Variants in ATP1A3 observed in about 807,000 individuals in gnomAD.
The protein encoded by ATP1A3 is ATPase Na+/K+ transporting subunit alpha 3, also known as sodium/potassium-transporting ATPase subunit alpha-3.
Under a neutral mutation model 108.8 loss-of-function variants are expected in ATP1A3, and 12 were observed. The ratio of observed to expected loss-of-function variants is 0.11; its 90% CI spans 0.07 to 0.18. The LOEUF is 0.18. Ranked by LOEUF, ATP1A3 falls within the 10% of genes least tolerant of loss-of-function variation. The pLI is 1.00. For missense variants in ATP1A3, 498 were observed against 1,387.7 expected (o/e 0.36, Z 10.19); for synonymous variants, 539 against 564.5 (o/e 0.95, Z 0.64).
rs377100231 is a variant in ATP1A3, at chr19:41,987,887, C to T, written c.357+49G>A. 1.6e-5 allele frequency: 25 copies of T among 1,602,440 alleles called. No homozygotes were observed. The Admixed American group carries it at 1.8e-4, about 12-fold the overall frequency. ...TGGGAAGAAGTTGGGGTGCGGTGTC[C>T]GTAAATAAATGTGCAGAGCCTTGCA... On this transcript the variant is annotated intron_variant, in intron 4 of 22. Transcript: ENST00000648268.
chr19:41,972,648 C>A (rs1336042412), intron 16 of ATP1A3, among the ~76,000 whole-genome samples: 3 of 151,464 alleles, frequency 2.0e-5, no homozygotes, highest in Non-Finnish European at 4.4e-5. Context: ...GCCTGTAGTT[C>A]CAGCTATGTG....
chr19:41,974,565 C>A (rs150296720), intron 16 of ATP1A3, among the ~76,000 whole-genome samples: 1 of 152,244 alleles, frequency 6.6e-6, no homozygotes, highest in African/African-American at 2.4e-5. Context: ...CTCGGCTTTG[C>A]CGTTTGAATT....
rs1216871449 is a variant in ATP1A3 at position 41,969,395 on chromosome 19, T to G, written c.2688+40A>C. ...TGGCTGGAACAGCTCACCCCGGGGATCTTACGGTGGGCAGAGACACAGCAC... is the reference window on the plus strand; with the variant it reads ...TGGCTGGAACAGCTCACCCCGGGGAGCTTACGGTGGGCAGAGACACAGCAC... On this transcript the variant is annotated intron_variant, in intron 19 of 22. Coordinates refer to ENST00000648268, the MANE Select transcript of ATP1A3 (RefSeq NM_152296.5). 3.7e-6 allele frequency: 6 copies of G among 1,613,636 alleles called. No homozygotes were observed. The Admixed American group carries it at 5.0e-5, about 13-fold the overall frequency.
At chr19:41,989,308 A>G (rs532826659) in intron 1 of ATP1A3, among the ~76,000 whole-genome samples, 6 of 139,730 alleles carry the variant, frequency 4.3e-5, no homozygotes, top group Non-Finnish European at 7.6e-5. Flanking sequence ...ACCTTCCTAC[A>G]TATCTGTCTT....
At position 41,976,415 on chromosome 19, in the gene ATP1A3, C is replaced by T. The variant is rs1555861261; in HGVS notation, c.2094+1G>A. The T allele has an allele frequency of 6.2e-7, 1 of 1,614,064 alleles. No individual in the cohort carries two copies. On this transcript the variant is annotated splice_donor_variant, in intron 15 of 22. Transcript: ENST00000648268. LOFTEE classifies it high-confidence loss of function. The stretch of plus-strand genomic sequence containing the variant: ...CCCTCCTCTGCGGGAGCGCAGCCCA[C>T]CTGTCTCTGACAGCCCTCCACAATG...
Position 41,970,373 on chromosome 19 carries a change from G to A in ATP1A3, c.2418+15C>T. On this transcript the variant is annotated intron_variant, in intron 17 of 22. Coordinates refer to ENST00000648268, the MANE Select transcript of ATP1A3 (RefSeq NM_152296.5). ...TCCACCCTCCTGGGCCCCAAGGGTGGCTGCCAGGGCTCACCATGTCAGTGC... is the reference window on the plus strand; with the variant it reads ...TCCACCCTCCTGGGCCCCAAGGGTGACTGCCAGGGCTCACCATGTCAGTGC... The A allele has an allele frequency of 6.2e-7, 1 of 1,614,250 alleles. No individual in the cohort carries two copies. The highest frequency in any genetic ancestry group is 8.5e-7 in the Non-Finnish European group (1 of 1,180,044).
chr19:41,986,087 C>G, intron 5 of ATP1A3, 29 bp downstream of exon 5: 1 of 1,614,150 alleles, frequency 6.2e-7, no homozygotes. Context: ...CTAACACCCC[C>G]GTCTGGCCCC....
chr19:41,985,149 G>GCGGT lies in ATP1A3; in HGVS notation c.758_761dup (p.Thr255ProfsTer26). ...GGGTGGCGATACGGCCCATGACAGT[G>GCGGT]CGGTCGCCCGTGGCCACCACCACGC... On this transcript the variant is annotated frameshift_variant, in exon 8 of 23. Transcript: ENST00000648268. LOFTEE classifies it high-confidence loss of function. The surrounding 1 kb of genome is among the most constrained non-coding windows in gnomAD (Gnocchi z 8.2). The GCGGT allele has an allele frequency of 6.2e-7, 1 of 1,613,492 alleles. No individual in the cohort carries two copies. The highest frequency in any genetic ancestry group is 8.5e-7 in the Non-Finnish European group (1 of 1,179,616).
At chr19:41,976,380 AG>A (rs782772956) in intron 15 of ATP1A3, 35 bp downstream of exon 15, 6 of 1,613,162 alleles carry the variant, frequency 3.7e-6, no homozygotes, top group Non-Finnish European at 5.1e-6. Context: ...CCAGGAGTCA[AG>A]GCCCCGTCCC....
At chr19:41,993,916 G>A (rs2075363667) in intron 1 of ATP1A3, 155 bp downstream of exon 1, 1 of 1,408,734 alleles carries the variant, frequency 7.1e-7, no homozygotes, top group South Asian at 1.3e-5. Context: ...GCGGCCCCAC[G>A]ACCACATGGA....
chr19:41,992,853 C>T (rs189145533), intron 1 of ATP1A3: 1 of 154,100 alleles, frequency 6.5e-6, no homozygotes, highest in East Asian at 1.9e-4. Context: ...CTCCCTCTAA[C>T]TTCCTTCTCT....
At position 41,968,392 on chromosome 19, in the gene ATP1A3, C is replaced by T. The variant is rs1255429968; in HGVS notation, c.2819+393G>A. Among the ~76,000 whole-genome samples, 1 of 152,042 alleles carries T rather than the reference C, an allele frequency of 6.6e-6. No individual in the cohort carries two copies. The highest frequency in any genetic ancestry group is 2.4e-5 in the African/African-American group (1 of 41,396). On this transcript the variant is annotated intron_variant, in intron 20 of 22. Transcript: ENST00000648268. This position sits in a 1 kb window ranked among gnomAD's most constrained non-coding sequence, Gnocchi z 5.0. ...AGCCTGGTGGTGCGTACCTGTAATCCCAGCTACTTGGGAGGCTGAGGCATG... is the reference window on the plus strand; with the variant it reads ...AGCCTGGTGGTGCGTACCTGTAATCTCAGCTACTTGGGAGGCTGAGGCATG...
At position 41,985,113 on chromosome 19, in the gene ATP1A3, C is replaced by G; in HGVS notation, c.798G>C (p.Gly266=). The G allele has an allele frequency of 1.9e-6, 3 of 1,614,042 alleles. No individual in the cohort carries two copies. Among genetic ancestry groups the G allele is most frequent in the Non-Finnish European group, 2.5e-6 (3 of 1,179,952 alleles). Residue 266 remains glycine, a synonymous_variant, in exon 8 of 23, where the codon GGG becomes GGC. Transcript: ENST00000648268. This position sits in a 1 kb window ranked among gnomAD's most constrained non-coding sequence, Gnocchi z 8.2. ...VMGRIATLAS[G]LEVGKTPIAI... ...CGATGGGCGTCTTGCCCACCTCCAG[C>G]CCTGATGCCAGGGTGGCGATACGGC... is the stretch of plus-strand genomic sequence containing the variant.
chr19:41,966,611 T>TC lies in ATP1A3; in HGVS notation c.*325_*326insG, dbSNP rs1476544961. On this transcript the variant is annotated 3_prime_UTR_variant, in exon 23 of 23. Transcript: ENST00000648268. ...CTCTCCCCACTGATATATTTGATAA[T>TC]TGTCCAGAACCAGAGATGGCATCAG... 14 of 1,446,574 alleles carry TC rather than the reference T, an allele frequency of 9.7e-6. No homozygotes were observed. Among genetic ancestry groups the TC allele is most frequent in the Non-Finnish European group, 3.7e-6 (4 of 1,080,856 alleles). The allele number at this position is 1,446,574 out of a possible 1,614,324, so 89.6% of individuals were successfully genotyped here.
At chr19:41,991,886 C>T (rs1271874226) in intron 1 of ATP1A3, among the ~76,000 whole-genome samples, 2 of 141,932 alleles carry the variant, frequency 1.4e-5, no homozygotes, top group Non-Finnish European at 1.5e-5. Flanking sequence ...GGGCTGGACC[C>T]TTGGGTCTGA....
In ATP1A3 at chr19:41,981,875, C is replaced by A. The variant is rs782242110; in HGVS notation, c.1192+33G>T. On this transcript the variant is annotated intron_variant, in intron 9 of 22. Coordinates refer to ENST00000648268, the MANE Select transcript of ATP1A3 (RefSeq NM_152296.5). The surrounding 1 kb of genome is among the most constrained non-coding windows in gnomAD (Gnocchi z 5.0). The stretch of plus-strand genomic sequence containing the variant: ...AGGGCCAGGGACTCCTGGAGCCAGG[C>A]CCCCATGGTCCTCACCCGGGGCCTG... The A allele has an allele frequency of 4.3e-6, 7 of 1,614,188 alleles. No homozygotes were observed. The East Asian group carries it at 1.3e-4, about 31-fold the overall frequency.
At position 41,967,168 on chromosome 19, in the gene ATP1A3, A is replaced by G; in HGVS notation, c.3013+81T>C. ...GAACCAGGTGGCAGAGCCATCCAGC[A>G]GGGCGAGGGGAGCCTGGGACCAGCT... On this transcript the variant is annotated intron_variant, in intron 22 of 22. Coordinates refer to ENST00000648268, the MANE Select transcript of ATP1A3 (RefSeq NM_152296.5). The surrounding 1 kb of genome is among the most constrained non-coding windows in gnomAD (Gnocchi z 4.2). The G allele has an allele frequency of 6.2e-7, 1 of 1,602,774 alleles. No individual in the cohort carries two copies. Among genetic ancestry groups the G allele is most frequent in the Non-Finnish European group, 8.5e-7 (1 of 1,174,758 alleles).
intron 16 of ATP1A3, among the ~76,000 whole-genome samples, chr19:41,972,284 A>T (rs1037243917): frequency 2.0e-5 from 3 of 151,860 alleles, no homozygotes; most frequent in Non-Finnish European, 4.4e-5. Context: ...AACATTAGTC[A>T]GGCACGGTGG....
chr19:41,970,663 G>T, intron 16 of ATP1A3, 121 bp from the exon 17 acceptor site: 5 of 1,185,796 alleles, frequency 4.2e-6, no homozygotes, highest in South Asian at 1.5e-5. Flanking sequence ...ACAGAGTCTC[G>T]CTGTGTTGCC....
Sources: allele counts gnomAD v4.1 joint callset (sites outside exome capture counted in the v4.1 genomes callset), GRCh38; gene constraint gnomAD v4.1.1; non-coding constraint Gnocchi (gnomAD v3.1); transcripts MANE v1.5; gene names NCBI Gene and HGNC (gene_info 2026-07-23, HGNC 2026-07-21).